The following ARID1B variants were observed in gnomAD, a reference collection of about 807,000 sequenced individuals.
The protein encoded by ARID1B is AT-rich interaction domain 1B.
In ARID1B, 30 loss-of-function variants were observed where a neutral mutation model predicts 212.3. That is an observed-to-expected ratio of 0.14 (90% CI 0.11 to 0.19). ARID1B has a LOEUF of 0.19. Ranked by LOEUF, ARID1B falls within the 10% of genes least tolerant of loss-of-function variation. The pLI is 1.00. For missense variants in ARID1B, 2,891 were observed against 3,204.0 expected, an observed-to-expected ratio of 0.90 and a Z score of 2.36; for synonymous variants, 1,402 against 1,301.7, an observed-to-expected ratio of 1.08 and a Z score of -1.66.
intron 4 of ARID1B, among the ~76,000 whole-genome samples, chr6:157,063,916 G>A (rs1783510086): frequency 6.6e-6 from 1 of 152,230 alleles, no homozygotes; most frequent in Admixed American, 6.5e-5. Context: ...CATCTCAGAT[G>A]AAGACTCATG....
Position 157,206,668 on chromosome 6 carries a change from C to T in ARID1B, c.5896C>T (p.Arg1966Cys), listed in dbSNP as rs1369594791. The T allele has an allele frequency of 6.2e-7, 1 of 1,613,140 alleles. No individual in the cohort carries two copies. The highest frequency in any genetic ancestry group is 1.7e-5 in the Admixed American group (1 of 59,986). The change falls in exon 20 of 20, where the codon CGC becomes TGC. Residue 1966 changes from arginine (R) to cysteine (C), a missense_variant. Arg to Cys is a radical substitution (Grantham distance 180). This residue lies in a region of ARID1B where 332 missense variants were observed against 369.2 expected (regional missense o/e 0.90). Coordinates refer to ENST00000636930, the MANE Select transcript of ARID1B (RefSeq NM_001374828.1). This position sits in a 1 kb window ranked among gnomAD's most constrained non-coding sequence, Gnocchi z 6.8. ...TGAGAGCAAGATGGAAATTCCTCCT[C>T]GCAGGCGCCCACCTCCCCCCTTAAG... ...HFESKMEIPP[R>C]RRPPPPLSSA... is the part of the protein sequence containing the mutation.
intron 1 of ARID1B, among the ~76,000 whole-genome samples, chr6:156,808,225 AG>A (rs1277225047): frequency 6.6e-6 from 1 of 152,206 alleles, no homozygotes; most frequent in Non-Finnish European, 1.5e-5. Context: ...TTTTTCCCGA[AG>A]TTATTTGCAT....
At chr6:156,913,217 C>CTTTTTTTTTTTTTT (rs372967890) in intron 3 of ARID1B, among the ~76,000 whole-genome samples, 1 of 129,036 alleles carries the variant, frequency 7.7e-6, no homozygotes. Context: ...TTTTCTTTTT[C>CTTTTTTTTTTTTTT]TTTTTTTTTT....
intron 4 of ARID1B, among the ~76,000 whole-genome samples, chr6:157,060,179 G>A (rs1420296482): frequency 6.6e-6 from 1 of 152,162 alleles, no homozygotes; most frequent in Non-Finnish European, 1.5e-5. Flanking sequence ...GTCCACATCT[G>A]GGAAAACAAT....
At chr6:156,907,474 A>G (rs1434630719) in intron 3 of ARID1B, among the ~76,000 whole-genome samples, 1 of 152,134 alleles carries the variant, frequency 6.6e-6, no homozygotes, top group African/African-American at 2.4e-5. Flanking sequence ...TAGCCTCATG[A>G]TATATTGTCT....
chr6:156,828,220 C>T (rs1052958909), intron 1 of ARID1B, among the ~76,000 whole-genome samples: 1 of 152,004 alleles, frequency 6.6e-6, no homozygotes, highest in Non-Finnish European at 1.5e-5. Context: ...TGCCACCACG[C>T]CTGGCTAAGT....
At chr6:157,160,259 T>C (rs777694849) in intron 8 of ARID1B, among the ~76,000 whole-genome samples, 1 of 152,232 alleles carries the variant, frequency 6.6e-6, no homozygotes, top group Non-Finnish European at 1.5e-5. Context: ...CTCAGAGGCC[T>C]GTCCAAAGCC....
At chr6:156,880,739 C>CAAAAAAAAA (rs141153792) in intron 2 of ARID1B, among the ~76,000 whole-genome samples, 51 of 86,962 alleles carry the variant, frequency 5.9e-4, no homozygotes, top group East Asian at 2.5e-3. Flanking sequence ...GACTCTGTCT[C>CAAAAAAAAA]AAAAAAAAAA....
intron 2 of ARID1B, among the ~76,000 whole-genome samples, chr6:156,892,043 CTTTTTTTTTT>C (rs1047406340): frequency 8.7e-6 from 1 of 115,168 alleles, no homozygotes; most frequent in Non-Finnish European, 1.8e-5. Flanking sequence ...AGCGAATTTT[CTTTTTTTTTT>C]TTTTTTCTTT....
intron 1 of ARID1B, among the ~76,000 whole-genome samples, chr6:156,788,885 G>T (rs149190061): frequency 7.1e-4 from 108 of 152,246 alleles, no homozygotes; most frequent in Admixed American, 2.5e-3. Flanking sequence ...GCACCACTTG[G>T]TGCTTAAGAT....
In ARID1B at chr6:156,894,036, C is replaced by T. The variant is rs538941463; in HGVS notation, c.1987-7340C>T. 4.6e-5 allele frequency among the ~76,000 whole-genome samples: 7 copies of T among 152,114 alleles called. No individual in the cohort carries two copies. The East Asian group carries it at 5.8e-4, about 13-fold the overall frequency. Reference sequence around the variant, plus strand: ...ACAATACTCAAAAGTTGGAAACAGTCGAGTGTTTATCCATGGGTGAGTGGA... The same window carrying T: ...ACAATACTCAAAAGTTGGAAACAGTTGAGTGTTTATCCATGGGTGAGTGGA... On this transcript the variant is annotated intron_variant, in intron 2 of 19. Transcript: ENST00000636930.
chr6:156,944,696 A>G (rs920337904), intron 4 of ARID1B, among the ~76,000 whole-genome samples: 4 of 152,200 alleles, frequency 2.6e-5, no homozygotes, highest in Admixed American at 6.5e-5. Context: ...AAGGGCATGT[A>G]TCTGAGGCCT....
At chr6:157,006,818 T>C (rs1241326377) in intron 4 of ARID1B, among the ~76,000 whole-genome samples, 1 of 152,254 alleles carries the variant, frequency 6.6e-6, no homozygotes, top group Non-Finnish European at 1.5e-5. Flanking sequence ...GGAGACTTTA[T>C]TCACAAGAAA....
At chr6:156,799,738 A>G (rs1362970186) in intron 1 of ARID1B, among the ~76,000 whole-genome samples, 2 of 152,190 alleles carry the variant, frequency 1.3e-5, no homozygotes, top group African/African-American at 2.4e-5. Context: ...TCAGACTCCC[A>G]AAGTGTGAGG....
chr6:156,976,612 A>C (rs766136911), intron 4 of ARID1B, among the ~76,000 whole-genome samples: 15 of 152,192 alleles, frequency 9.9e-5, no homozygotes, highest in Non-Finnish European at 2.2e-4. Flanking sequence ...TAGTCACCCG[A>C]GCCAGCAACG....
At chr6:156,841,289 T>A (rs1439305004) in intron 2 of ARID1B, among the ~76,000 whole-genome samples, 1 of 150,986 alleles carries the variant, frequency 6.6e-6, no homozygotes, top group Non-Finnish European at 1.5e-5. Flanking sequence ...ATACACTGCA[T>A]CGTAGCCCAT....
Position 157,190,327 on chromosome 6 carries a change from G to A in ARID1B, c.4231+117G>A, listed in dbSNP as rs1469587653. ...TCTGAGCCCATGCTGCATCGGTGTG[G>A]GTCCCAGGTCCCCATCCTACTCCAC... On this transcript the variant is annotated intron_variant, in intron 15 of 19. Coordinates refer to ENST00000636930, the MANE Select transcript of ARID1B (RefSeq NM_001374828.1). The surrounding 1 kb of genome is among the most constrained non-coding windows in gnomAD (Gnocchi z 4.6). 11 of 1,217,142 alleles carry A rather than the reference G, an allele frequency of 9.0e-6. No individual in the cohort carries two copies. Among genetic ancestry groups the A allele is most frequent in the South Asian group, 1.6e-5 (1 of 63,808 alleles). 75.4% of individuals were successfully genotyped at this position (1,217,142 alleles called of 1,614,324 possible). A position where few individuals can be genotyped will look rare whatever the true frequency, so the allele number is the denominator to read the frequency against.
chr6:156,988,902 G>A (rs1022290562), intron 4 of ARID1B, among the ~76,000 whole-genome samples: 1 of 152,294 alleles, frequency 6.6e-6, no homozygotes, highest in African/African-American at 2.4e-5. Flanking sequence ...GCATATGTGC[G>A]TTCTTACAAT....
Position 157,007,181 on chromosome 6 carries a change from C to T in ARID1B, c.2247+71605C>T, listed in dbSNP as rs59619241. Among the ~76,000 whole-genome samples, 1,125 of 152,258 alleles carry T rather than the reference C, an allele frequency of 7.4e-3. 20 individuals carry two copies. The highest frequency in any genetic ancestry group is 0.025 in the African/African-American group (1,040 of 41,536). The stretch of plus-strand genomic sequence containing the variant: ...GAAGGGACGTAATTTAATGAATTCC[C>T]GCACATGCCTTCAAATGGAAATTCT... On this transcript the variant is annotated intron_variant, in intron 4 of 19. Coordinates refer to ENST00000636930, the MANE Select transcript of ARID1B (RefSeq NM_001374828.1).
Sources: gnomAD v4.1 joint callset for allele counts (sites outside exome capture counted in the v4.1 genomes callset) on GRCh38, gnomAD v4.1.1 for gene constraint, gnomAD v4.1.1 regional missense constraint, Gnocchi (gnomAD v3.1) non-coding constraint, MANE v1.5 for transcripts, NCBI Gene and HGNC (gene_info 2026-07-23, HGNC 2026-07-21) for gene names.